The following LRMDA variants were observed in gnomAD, a reference collection of about 807,000 sequenced individuals.
LRMDA encodes the protein leucine rich melanocyte differentiation associated, also known as leucine-rich melanocyte differentiation-associated protein.
A neutral mutation model predicts 29.8 loss-of-function variants in LRMDA; 18 were observed. That is an observed-to-expected ratio of 0.60 (90% confidence interval 0.42 to 0.90). The LOEUF (loss-of-function observed/expected upper bound fraction) is 0.90, where lower values mean the gene tolerates loss of function less well. Among genes scored for constraint, LRMDA ranks in the 40% least tolerant of loss-of-function variants. The pLI, the probability that LRMDA is intolerant of heterozygous loss-of-function variation, is 0.00. For synonymous variants in LRMDA, 125 were observed against 109.4 expected, an observed-to-expected ratio of 1.14 and a Z score of -0.89; for missense variants, 273 against 273.9, an observed-to-expected ratio of 1.00 and a Z score of 0.02.
At chr10:75,750,342 G>A (rs1301962689) in intron 2 of LRMDA, among the ~76,000 whole-genome samples, 1 of 151,606 alleles carries the variant, frequency 6.6e-6, no homozygotes, top group African/African-American at 2.4e-5. Flanking sequence ...CTGGGCGGAG[G>A]GGCTCCTCAC....
chr10:75,783,802 C>T lies in LRMDA; in HGVS notation c.132-252206C>T, dbSNP rs1314867877. ...GGTGAGCAAGTGCTCAATAAATGTT[C>T]ATCTCCTCCCTTTCTTTCAATCAAG... On this transcript the variant is annotated intron_variant, in intron 2 of 6. Transcript: ENST00000611255. Among the ~76,000 whole-genome samples the T allele has an allele frequency of 4.6e-5, 7 of 152,198 alleles. 1 individual carries two copies. The highest frequency in any genetic ancestry group is 1.7e-4 in the African/African-American group (7 of 41,446).
intron 2 of LRMDA, among the ~76,000 whole-genome samples, chr10:75,709,717 G>A (rs1348210992): frequency 6.6e-6 from 1 of 152,172 alleles, no homozygotes; most frequent in Non-Finnish European, 1.5e-5. Context: ...TTAGTTGTGT[G>A]TGTATGTCCT....
intron 2 of LRMDA, among the ~76,000 whole-genome samples, chr10:75,654,417 T>C (rs974492769): frequency 3.3e-5 from 5 of 152,196 alleles, no homozygotes; most frequent in African/African-American, 1.2e-4. Context: ...AATTTACTAG[T>C]TGAATTTTAC....
At chr10:75,814,075 T>A (rs117082586) in intron 2 of LRMDA, among the ~76,000 whole-genome samples, 4,181 of 152,332 alleles carry the variant, frequency 0.027, 94 homozygotes, top group East Asian at 0.099. Context: ...GTCCTACATA[T>A]GTGAACCATT....
chr10:76,315,922 C>T (rs1840691563), intron 5 of LRMDA, among the ~76,000 whole-genome samples: 1 of 152,166 alleles, frequency 6.6e-6, no homozygotes, highest in Non-Finnish European at 1.5e-5. Context: ...AATGACCTGC[C>T]TGCAGAAAGG....
intron 2 of LRMDA, among the ~76,000 whole-genome samples, chr10:75,950,514 G>A (rs1846555600): frequency 6.6e-6 from 1 of 152,202 alleles, no homozygotes; most frequent in East Asian, 1.9e-4. Context: ...GGCCGACTCA[G>A]CATTTTGTGT....
chr10:75,545,330 G>T (rs893251306), intron 2 of LRMDA, among the ~76,000 whole-genome samples: 5 of 152,150 alleles, frequency 3.3e-5, no homozygotes, highest in Non-Finnish European at 7.3e-5. Context: ...TGGTCTGGGG[G>T]GTTGGGCAGA....
At chr10:75,624,924 G>T (rs1841232878) in intron 2 of LRMDA, among the ~76,000 whole-genome samples, 3 of 152,110 alleles carry the variant, frequency 2.0e-5, no homozygotes, top group Admixed American at 2.0e-4. Flanking sequence ...GGAGACTTGT[G>T]GGCCATGAAA....
chr10:76,428,434 T>C (rs1403731278), intron 6 of LRMDA, among the ~76,000 whole-genome samples: 1 of 152,208 alleles, frequency 6.6e-6, no homozygotes, highest in Non-Finnish European at 1.5e-5. Context: ...ATTTCATCTT[T>C]TAACTTCATG....
intron 2 of LRMDA, among the ~76,000 whole-genome samples, chr10:75,881,350 G>A (rs1348807841): frequency 6.6e-6 from 1 of 152,084 alleles, no homozygotes; most frequent in Non-Finnish European, 1.5e-5. Flanking sequence ...GGATAATGAG[G>A]CAGGAGAATA....
chr10:75,939,821 G>T (rs1034016192), intron 2 of LRMDA, among the ~76,000 whole-genome samples: 1 of 152,104 alleles, frequency 6.6e-6, no homozygotes, highest in Non-Finnish European at 1.5e-5. Context: ...CATCAACCTT[G>T]TGCACACTGC....
intron 6 of LRMDA, among the ~76,000 whole-genome samples, chr10:76,528,020 T>A (rs866813563): frequency 3.8e-4 from 58 of 152,268 alleles, no homozygotes; most frequent in African/African-American, 1.4e-3. Context: ...AACTCTTGGA[T>A]ATAATATTTC....
Position 75,591,740 on chromosome 10 carries a change from A to C in LRMDA, c.131+153246A>C, listed in dbSNP as rs1173778472. 5.9e-5 allele frequency among the ~76,000 whole-genome samples: 9 copies of C among 152,188 alleles called. No homozygotes were observed. In the East Asian group the frequency reaches 1.7e-3, roughly 29 times the overall value. ...TGTGTTTATAAGGATATTTTCTCTG[A>C]AACTGTGGGATAATTTTTAAGTAAT... is the stretch of plus-strand genomic sequence containing the variant. On this transcript the variant is annotated intron_variant, in intron 2 of 6. Transcript: ENST00000611255.
At chr10:76,528,462 T>A (rs1362255409) in intron 6 of LRMDA, among the ~76,000 whole-genome samples, 1 of 152,174 alleles carries the variant, frequency 6.6e-6, no homozygotes, top group Non-Finnish European at 1.5e-5. Context: ...AACATCCAAA[T>A]ACTAACTGTG....
intron 3 of LRMDA, among the ~76,000 whole-genome samples, chr10:76,043,128 A>G (rs1386377415): frequency 6.6e-6 from 1 of 152,132 alleles, no homozygotes; most frequent in Non-Finnish European, 1.5e-5. Flanking sequence ...TCTCAAAAAA[A>G]AAGATTTCAG....
intron 2 of LRMDA, among the ~76,000 whole-genome samples, chr10:75,576,439 T>C (rs1322300490): frequency 2.0e-5 from 3 of 152,054 alleles, no homozygotes; most frequent in Non-Finnish European, 4.4e-5. Context: ...AGTTGGGGGG[T>C]GCAGCTTCAG....
At chr10:76,205,853 C>T (rs550846265) in intron 5 of LRMDA, among the ~76,000 whole-genome samples, 68 of 152,122 alleles carry the variant, frequency 4.5e-4, no homozygotes, top group African/African-American at 1.6e-3. Flanking sequence ...CAGATCTTTG[C>T]TACTGAAAAT....
intron 2 of LRMDA, among the ~76,000 whole-genome samples, chr10:75,859,970 T>C (rs1844893931): frequency 6.6e-6 from 1 of 152,220 alleles, no homozygotes; most frequent in South Asian, 2.1e-4. Flanking sequence ...AATGGATACA[T>C]TCGACCCAAC....
chr10:75,709,911 G>A (rs1463877547), intron 2 of LRMDA, among the ~76,000 whole-genome samples: 1 of 152,158 alleles, frequency 6.6e-6, no homozygotes, highest in East Asian at 1.9e-4. Context: ...AGAGAAGTAG[G>A]GAATTTGCTT....
Sources: allele counts gnomAD v4.1 joint callset (sites outside exome capture counted in the v4.1 genomes callset), GRCh38; gene constraint gnomAD v4.1.1; transcripts MANE v1.5; gene names NCBI Gene and HGNC (gene_info 2026-07-23, HGNC 2026-07-21).